CTCF: variants seen among roughly 807,000 people sequenced by gnomAD.
CTCF encodes transcriptional repressor CTCF.
CTCF carries 7 observed loss-of-function variants against 72.3 expected under a neutral mutation model. The observed-to-expected ratio is 0.10, with a 90% confidence interval of 0.06 to 0.18. CTCF has a LOEUF of 0.18. Among genes scored for constraint, CTCF ranks in the 10% least tolerant of loss-of-function variants. The pLI, the probability that CTCF is intolerant of heterozygous loss-of-function variation, is 1.00. For missense variants in CTCF, 516 were observed against 949.1 expected, an observed-to-expected ratio of 0.54 and a Z score of 6.00; for synonymous variants, 374 against 315.8, an observed-to-expected ratio of 1.18 and a Z score of -1.95.
At chr16:67,564,958 G>A (rs971926862) in intron 1 of CTCF, among the ~76,000 whole-genome samples, 5 of 152,016 alleles carry the variant, frequency 3.3e-5, no homozygotes, top group Admixed American at 6.6e-5. Context: ...AACAATCTAC[G>A]GAGAGAATAA....
chr16:67,607,474 T>C (rs1053219168), intron 2 of CTCF, among the ~76,000 whole-genome samples: 2 of 151,646 alleles, frequency 1.3e-5, no homozygotes, highest in African/African-American at 4.8e-5. Flanking sequence ...CCTGGCTAAT[T>C]TTTGTATTTT....
At chr16:67,632,841 C>G (rs151198203) in intron 10 of CTCF, among the ~76,000 whole-genome samples, 1 of 152,316 alleles carries the variant, frequency 6.6e-6, no homozygotes, top group Non-Finnish European at 1.5e-5. Context: ...TCTGGAAGAT[C>G]AGGAGTTTAC....
At chr16:67,608,808 G>A (rs931388492) in intron 2 of CTCF, among the ~76,000 whole-genome samples, 2 of 150,862 alleles carry the variant, frequency 1.3e-5, no homozygotes, top group Admixed American at 6.6e-5. Context: ...GCGCAATCTT[G>A]GCTCACCGCA....
intron 2 of CTCF, among the ~76,000 whole-genome samples, chr16:67,605,921 A>G (rs764554881): frequency 3.9e-5 from 6 of 152,336 alleles, no homozygotes; most frequent in African/African-American, 1.4e-4. Context: ...ATAGGTTATC[A>G]TGGGGTCAGG....
chr16:67,575,735 G>A (rs1016507212), intron 2 of CTCF, among the ~76,000 whole-genome samples: 4 of 152,030 alleles, frequency 2.6e-5, no homozygotes, highest in East Asian at 3.9e-4. Flanking sequence ...GAGCCACCGC[G>A]CCCAGCCAAG....
At chr16:67,571,798 C>T (rs946534867) in intron 2 of CTCF, among the ~76,000 whole-genome samples, 18 of 152,158 alleles carry the variant, frequency 1.2e-4, no homozygotes, top group South Asian at 2.1e-4. Context: ...GCCCATTTTG[C>T]GTCAGAGTGT....
At chr16:67,578,591 C>T (rs987796897) in intron 2 of CTCF, among the ~76,000 whole-genome samples, 1 of 151,786 alleles carries the variant, frequency 6.6e-6, no homozygotes, top group African/African-American at 2.4e-5. Flanking sequence ...CCTCGGCCTC[C>T]CAAATTGCTG....
intron 2 of CTCF, among the ~76,000 whole-genome samples, chr16:67,585,522 T>C (rs2051658055): frequency 6.6e-6 from 1 of 152,244 alleles, no homozygotes; most frequent in South Asian, 2.1e-4. Context: ...CCCAGGACTT[T>C]TCAGAATCCT....
At chr16:67,564,105 A>G (rs2051313572) in intron 1 of CTCF, 6 of 152,240 alleles carry the variant, frequency 3.9e-5, no homozygotes. Context: ...TCGATCAACT[A>G]GGAAAGTTAA....
chr16:67,629,329 AG>A, intron 9 of CTCF, 68 bp from the exon 10 acceptor site: 1 of 1,446,934 alleles, frequency 6.9e-7, no homozygotes, highest in South Asian at 1.3e-5. Flanking sequence ...ATTTTATTAA[AG>A]TAAATAACTT....
At chr16:67,588,516 A>G (rs1156878825) in intron 2 of CTCF, among the ~76,000 whole-genome samples, 2 of 151,980 alleles carry the variant, frequency 1.3e-5, no homozygotes, top group Admixed American at 1.3e-4. Context: ...CACCAGCAAA[A>G]GTGTCATTTG....
intron 2 of CTCF, among the ~76,000 whole-genome samples, chr16:67,609,624 C>CTT (rs921342687): frequency 1.6e-4 from 21 of 135,392 alleles, no homozygotes; most frequent in South Asian, 2.4e-4. Context: ...CCTGATAATT[C>CTT]TTTTTTTTTT....
At chr16:67,593,113 ATG>A (rs1278994356) in intron 2 of CTCF, among the ~76,000 whole-genome samples, 3 of 149,568 alleles carry the variant, frequency 2.0e-5, no homozygotes, top group African/African-American at 7.3e-5. Context: ...ATTTTAATAT[ATG>A]GTTTTTAATA....
rs1280964390 is a variant in CTCF, at chr16:67,624,069, ATATG to A, written c.1357+2480_1358-2481del. Among the ~76,000 whole-genome samples the A allele has an allele frequency of 6.8e-3, 625 of 91,460 alleles. 1 individual carries two copies. Among genetic ancestry groups the A allele is most frequent in the Middle Eastern group, 0.016 (3 of 188 alleles). 60.0% of individuals were successfully genotyped at this position (91,460 alleles called of 152,430 possible). Reference sequence around the variant, plus strand: ...TCTCAAAAAAAAAAAAAAAAATTATATATGTGTGTGTGTGTGTGTGTGTGTGTGT... The same window carrying A: ...TCTCAAAAAAAAAAAAAAAAATTATATGTGTGTGTGTGTGTGTGTGTGTGT... On this transcript the variant is annotated intron_variant, in intron 7 of 11. Coordinates refer to ENST00000264010, the MANE Select transcript of CTCF (RefSeq NM_006565.4).
At position 67,636,697 on chromosome 16, in the gene CTCF, T is replaced by C; in HGVS notation, c.1845T>C (p.Ala615=). 1.3e-6 allele frequency: 2 copies of C among 1,594,972 alleles called. No individual in the cohort carries two copies. The highest frequency in any genetic ancestry group is 8.5e-7 in the Non-Finnish European group (1 of 1,169,908). The part of the protein sequence containing the change: ...KKEDSSDSEN[A]EPDLDDNEDE... ...TCCTGATTTCATGAAAAGAAAATGC[T>C]GAACCAGATCTGGACGACAATGAGG... Residue 615 remains alanine, a synonymous_variant, in exon 11 of 12, where the codon GCT becomes GCC. Coordinates refer to ENST00000264010, the MANE Select transcript of CTCF (RefSeq NM_006565.4).
At chr16:67,568,373 C>T (rs766152681) in intron 1 of CTCF, 2 of 150,930 alleles carry the variant, frequency 1.3e-5, no homozygotes, top group Non-Finnish European at 2.9e-5. Context: ...AGCCACCATG[C>T]CTGGCCTTTT....
intron 2 of CTCF, among the ~76,000 whole-genome samples, chr16:67,593,037 T>A (rs868031224): frequency 1.8e-4 from 26 of 148,322 alleles, no homozygotes; most frequent in African/African-American, 4.2e-4. Context: ...AAAAAAAAAA[T>A]TTATATATAT....
intron 2 of CTCF, among the ~76,000 whole-genome samples, chr16:67,606,762 T>TG (rs2051978671): frequency 1.3e-5 from 2 of 149,408 alleles, no homozygotes; most frequent in South Asian, 4.2e-4. Context: ...TTGGGTTTTT[T>TG]TTTTTTTTTT....
chr16:67,572,813 G>A (rs892501498), intron 2 of CTCF, among the ~76,000 whole-genome samples: 5 of 151,688 alleles, frequency 3.3e-5, no homozygotes, highest in African/African-American at 1.2e-4. Flanking sequence ...GGTGGTGGGT[G>A]CCTGTAATCC....
Sources: gnomAD v4.1 joint callset for allele counts (sites outside exome capture counted in the v4.1 genomes callset) on GRCh38, gnomAD v4.1.1 for gene constraint, MANE v1.5 for transcripts, NCBI Gene and HGNC (gene_info 2026-07-23, HGNC 2026-07-21) for gene names.